GRIK1: variants seen among roughly 807,000 people sequenced by gnomAD.
GRIK1 encodes the protein glutamate ionotropic receptor kainate type subunit 1, also known as glutamate receptor ionotropic, kainate 1.
GRIK1 carries 69 observed loss-of-function variants against 105.7 expected under a neutral mutation model. The observed-to-expected ratio is 0.65, with a 90% CI of 0.54 to 0.80. The LOEUF is 0.80. Among genes scored for constraint, GRIK1 ranks in the 30% least tolerant of loss-of-function variants. GRIK1 has a pLI of 0.00. For missense variants in GRIK1, 1,109 were observed against 1,167.3 expected (o/e 0.95, Z 0.73); for synonymous variants, 438 against 431.3 (o/e 1.02, Z -0.19).
At chr21:29,895,159 G>C (rs2070087885) in intron 1 of GRIK1, among the ~76,000 whole-genome samples, 1 of 152,156 alleles carries the variant, frequency 6.6e-6, no homozygotes, top group Non-Finnish European at 1.5e-5. Context: ...GAGGCAAAAA[G>C]AACTAATCTA....
chr21:29,845,496 A>C (rs1388967681), intron 1 of GRIK1, among the ~76,000 whole-genome samples: 2 of 151,832 alleles, frequency 1.3e-5, no homozygotes, highest in African/African-American at 4.8e-5. Context: ...TCAAATGTTT[A>C]TATTACTCTC....
intron 1 of GRIK1, among the ~76,000 whole-genome samples, chr21:29,745,475 G>A (rs2065027416): frequency 6.6e-6 from 1 of 152,134 alleles, no homozygotes; most frequent in South Asian, 2.1e-4. Context: ...GATAACTTTG[G>A]GTAACTGATA....
intron 1 of GRIK1, among the ~76,000 whole-genome samples, chr21:29,850,740 A>G (rs1160146026): frequency 1.3e-5 from 2 of 152,202 alleles, no homozygotes; most frequent in African/African-American, 2.4e-5. Flanking sequence ...TTTTCATTTT[A>G]TGTAAACTCA....
intron 1 of GRIK1, among the ~76,000 whole-genome samples, chr21:29,833,395 A>C (rs1253555284): frequency 6.6e-6 from 1 of 152,124 alleles, no homozygotes; most frequent in Non-Finnish European, 1.5e-5. Flanking sequence ...TGTATTAGTC[A>C]GTTATCTCAT....
intron 1 of GRIK1, among the ~76,000 whole-genome samples, chr21:29,694,415 C>T (rs1228796291): frequency 1.3e-5 from 2 of 152,108 alleles, no homozygotes; most frequent in Non-Finnish European, 2.9e-5. Flanking sequence ...TGAGCCACCA[C>T]ACCCGGCCAG....
At chr21:29,907,962 C>T (rs2070701187) in intron 1 of GRIK1, among the ~76,000 whole-genome samples, 1 of 152,042 alleles carries the variant, frequency 6.6e-6, no homozygotes, top group Non-Finnish European at 1.5e-5. Context: ...GACTTCTATT[C>T]ATTTTTAAAA....
At chr21:29,723,343 A>G (rs546684467) in intron 1 of GRIK1, among the ~76,000 whole-genome samples, 1 of 152,360 alleles carries the variant, frequency 6.6e-6, no homozygotes, top group South Asian at 2.1e-4. Flanking sequence ...CTTAACTGTT[A>G]TAATTATTAC....
chr21:29,598,568 T>A (rs1015386268), intron 8 of GRIK1, among the ~76,000 whole-genome samples: 17 of 152,220 alleles, frequency 1.1e-4, no homozygotes, highest in African/African-American at 4.1e-4. Flanking sequence ...GGGTTATATA[T>A]GTAATAATAT....
intron 1 of GRIK1, among the ~76,000 whole-genome samples, chr21:29,887,668 C>T (rs1409034441): frequency 6.6e-6 from 1 of 152,106 alleles, no homozygotes; most frequent in Non-Finnish European, 1.5e-5. Context: ...TTCAGTAATG[C>T]CAGCCTGGAC....
At chr21:29,925,473 G>A (rs1269677499) in intron 1 of GRIK1, among the ~76,000 whole-genome samples, 1 of 152,074 alleles carries the variant, frequency 6.6e-6, no homozygotes, top group African/African-American at 2.4e-5. Flanking sequence ...AATAAGACAA[G>A]CTATAAATAT....
chr21:29,537,370 C>T lies in GRIK1; in HGVS notation c.2710G>A (p.Ala904Thr), dbSNP rs151335244. 5.6e-6 allele frequency: 9 copies of T among 1,610,148 alleles called. No homozygotes were observed. The highest frequency in any genetic ancestry group is 3.3e-5 in the South Asian group (3 of 90,612). Residue 904 changes from alanine to threonine, a missense_variant, in exon 18 of 18, where the codon GCT becomes ACT. Physicochemically the swap from Ala to Thr is moderately conservative, Grantham distance 58. Transcript: ENST00000327783. The stretch of plus-strand genomic sequence containing the variant: ...GAGATTCCCAGTTCTTCCATGATAG[C>T]GTTGAAAGAGAGACACTAGGGAACA... ...LGVEKCLSFN[A>T]IMEELGISLK... is the part of the protein sequence containing the mutation.
At chr21:29,737,460 G>T (rs908317536) in intron 1 of GRIK1, among the ~76,000 whole-genome samples, 1 of 152,226 alleles carries the variant, frequency 6.6e-6, no homozygotes, top group African/African-American at 2.4e-5. Context: ...AAAGTGGGGA[G>T]CCGAGCCAAG....
At chr21:29,715,579 C>T (rs981874966) in intron 1 of GRIK1, among the ~76,000 whole-genome samples, 5 of 151,632 alleles carry the variant, frequency 3.3e-5, no homozygotes, top group East Asian at 1.9e-4. Flanking sequence ...TAGCTCACAT[C>T]GCTTGCCTCC....
chr21:29,853,909 T>C (rs1025764583), intron 1 of GRIK1, among the ~76,000 whole-genome samples: 1 of 152,176 alleles, frequency 6.6e-6, no homozygotes, highest in Non-Finnish European at 1.5e-5. Context: ...GAATAGGTGA[T>C]GCTGTGTAAG....
At chr21:29,818,689 G>A (rs2067219318) in intron 1 of GRIK1, among the ~76,000 whole-genome samples, 2 of 152,010 alleles carry the variant, frequency 1.3e-5, no homozygotes, top group South Asian at 4.1e-4. Flanking sequence ...TAATTCAAAG[G>A]TCAGCGTAAT....
At chr21:29,820,357 C>G (rs973134821) in intron 1 of GRIK1, among the ~76,000 whole-genome samples, 1 of 152,034 alleles carries the variant, frequency 6.6e-6, no homozygotes, top group Admixed American at 6.6e-5. Context: ...ATTTATCTTT[C>G]TTGACCTATC....
chr21:29,609,205 A>G (rs2061679872), intron 7 of GRIK1, among the ~76,000 whole-genome samples: 3 of 151,828 alleles, frequency 2.0e-5, no homozygotes, highest in African/African-American at 7.2e-5. Flanking sequence ...GAATAAAAAG[A>G]TTCATTCTCT....
chr21:29,807,197 T>G (rs1290573469), intron 1 of GRIK1, among the ~76,000 whole-genome samples: 1 of 152,170 alleles, frequency 6.6e-6, no homozygotes, highest in Non-Finnish European at 1.5e-5. Flanking sequence ...GTTCATGACC[T>G]GGTAATTAAC....
intron 3 of GRIK1, among the ~76,000 whole-genome samples, chr21:29,678,111 T>C (rs1417343519): frequency 6.6e-6 from 1 of 152,230 alleles, no homozygotes; most frequent in Non-Finnish European, 1.5e-5. Context: ...AAGATCAGGT[T>C]GCAAATTTTA....
Sources: gnomAD v4.1 joint callset for allele counts (sites outside exome capture counted in the v4.1 genomes callset) on GRCh38, gnomAD v4.1.1 for gene constraint, MANE v1.5 for transcripts, NCBI Gene and HGNC (gene_info 2026-07-23, HGNC 2026-07-21) for gene names.